WDR20: variants seen among roughly 807,000 people sequenced by gnomAD.
WDR20 encodes the protein WD repeat-containing protein 20.
In WDR20, 3 loss-of-function variants were observed where a neutral mutation model predicts 38.7. That is an observed-to-expected ratio of 0.08 (90% CI 0.04 to 0.20). The LOEUF is 0.20. Ranked by LOEUF, WDR20 falls within the 10% of genes least tolerant of loss-of-function variation. The pLI, the probability that WDR20 is intolerant of heterozygous loss-of-function variation, is 1.00. For synonymous variants in WDR20, 298 were observed against 285.6 expected (o/e 1.04, Z -0.44); for missense variants, 559 against 727.7 (o/e 0.77, Z 2.67).
Position 102,222,125 on chromosome 14 carries a change from G to A in WDR20, c.1693-705G>A, listed in dbSNP as rs1184088318. On this transcript the variant is annotated intron_variant, in intron 3 of 3. Transcript: ENST00000335263. This position sits in a 1 kb window ranked among gnomAD's most constrained non-coding sequence, Gnocchi z 4.4. ...GACAGTGAGCCTCTCAGCAGGAGCC[G>A]CCCTAAAGAGCCAGATGCCCCCCAC... Among the ~76,000 whole-genome samples, 5 of 148,684 alleles carry A rather than the reference G, an allele frequency of 3.4e-5. No individual in the cohort carries two copies. The highest frequency in any genetic ancestry group is 1.0e-4 in the African/African-American group (4 of 40,178).
chr14:102,176,913 A>T (rs565510957), intron 1 of WDR20, among the ~76,000 whole-genome samples: 10 of 151,790 alleles, frequency 6.6e-5, no homozygotes, highest in South Asian at 2.1e-4. Context: ...TATTATTATT[A>T]TTTTTTTTAG....
intron 1 of WDR20, among the ~76,000 whole-genome samples, chr14:102,162,675 G>A (rs10139927): frequency 0.035 from 5,242 of 151,912 alleles, 263 homozygotes; most frequent in African/African-American, 0.1. Context: ...GGAGTGCAGT[G>A]TGATCTCAGC....
intron 2 of WDR20, among the ~76,000 whole-genome samples, chr14:102,196,842 T>G (rs1219147633): frequency 1.3e-5 from 2 of 152,252 alleles, no homozygotes; most frequent in Non-Finnish European, 2.9e-5. Context: ...TTTGAGAAAT[T>G]GCTATTTAGA....
chr14:102,212,120 T>A (rs1430223604), downstream of WDR20, among the ~76,000 whole-genome samples: 1 of 152,198 alleles, frequency 6.6e-6, no homozygotes, highest in Non-Finnish European at 1.5e-5. Context: ...AGGAGGAGGT[T>A]ATGTTTCCTT....
downstream of WDR20, among the ~76,000 whole-genome samples, chr14:102,216,918 G>A (rs2063287429): frequency 6.6e-6 from 1 of 152,188 alleles, no homozygotes; most frequent in African/African-American, 2.4e-5. Context: ...GGGCGACAGA[G>A]CGAGACTCTG....
rs770025964 is a variant in WDR20, at chr14:102,222,900, C to T, written c.*17C>T. ...GTAGTGTAGCGACCTCACTGCTGCG[C>T]GCACAGTCTCCCGGGACTTGGACTC... is the stretch of plus-strand genomic sequence containing the variant. On this transcript the variant is annotated 3_prime_UTR_variant, in exon 4 of 4. Coordinates refer to the WDR20 transcript ENST00000335263. This position sits in a 1 kb window ranked among gnomAD's most constrained non-coding sequence, Gnocchi z 4.4. 160 of 1,613,938 alleles carry T rather than the reference C, an allele frequency of 9.9e-5. No individual in the cohort carries two copies. Among genetic ancestry groups the T allele is most frequent in the Non-Finnish European group, 6.1e-5 (72 of 1,179,960 alleles).
Position 102,140,007 on chromosome 14 carries a change from G to A in WDR20, c.84G>A (p.Pro28=). 1 of 1,614,250 alleles carries A rather than the reference G, an allele frequency of 6.2e-7. No homozygotes were observed. Among genetic ancestry groups the A allele is most frequent in the Non-Finnish European group, 8.5e-7 (1 of 1,180,038 alleles). The change falls in exon 1 of 3, where the codon CCG becomes CCA. Residue 28 remains proline, a synonymous_variant. Coordinates refer to ENST00000342702, the MANE Select transcript of WDR20 (RefSeq NM_144574.4). ...TTREGLYKLL[P]HSEYSRPNRV... ...GGGAAGGTCTGTACAAGCTGCTGCC[G>A]CACTCGGAGTACAGCCGGCCCAACC...
At chr14:102,197,291 G>A (rs557733264) in intron 2 of WDR20, among the ~76,000 whole-genome samples, 47 of 152,300 alleles carry the variant, frequency 3.1e-4, no homozygotes, top group African/African-American at 1.1e-3. Flanking sequence ...TTGCCCTTCC[G>A]GGAGCTCACA....
chr14:102,143,326 G>A (rs963096778), intron 1 of WDR20, among the ~76,000 whole-genome samples: 1 of 145,946 alleles, frequency 6.9e-6, no homozygotes, highest in Non-Finnish European at 1.6e-5. Flanking sequence ...TTTCACAATC[G>A]AGGAAGTTTA....
At chr14:102,193,863 C>G (rs1470487588) in intron 1 of WDR20, among the ~76,000 whole-genome samples, 1 of 152,124 alleles carries the variant, frequency 6.6e-6, no homozygotes, top group Non-Finnish European at 1.5e-5. Flanking sequence ...TTAGTTGTCT[C>G]CACTGGAGAT....
chr14:102,196,789 C>T (rs1307686976), intron 2 of WDR20, among the ~76,000 whole-genome samples: 1 of 152,194 alleles, frequency 6.6e-6, no homozygotes, highest in African/African-American at 2.4e-5. Flanking sequence ...CCTCATTCTT[C>T]ATGATTTAAG....
Position 102,158,814 on chromosome 14 carries a change from C to G in WDR20, c.249+18642C>G, listed in dbSNP as rs546550113. ...GCTCTGCCCCTGTCTAAAGTCACCT[C>G]CCCGACTCGTTCGCTAAATCCCACC... is the stretch of plus-strand genomic sequence containing the variant. On this transcript the variant is annotated intron_variant, in intron 1 of 2. Coordinates refer to ENST00000342702, the MANE Select transcript of WDR20 (RefSeq NM_144574.4). Among the ~76,000 whole-genome samples the G allele has an allele frequency of 4.9e-4, 75 of 152,272 alleles. No homozygotes were observed. In the South Asian group the frequency reaches 0.015, roughly 31 times the overall value.
intron 2 of WDR20, among the ~76,000 whole-genome samples, chr14:102,199,684 A>G (rs774746463): frequency 1.5e-4 from 23 of 152,196 alleles, no homozygotes; most frequent in Admixed American, 1.4e-3. Context: ...GGTGCCTGGT[A>G]CATGAAAATG....
chr14:102,149,483 A>G (rs956564845), intron 1 of WDR20, among the ~76,000 whole-genome samples: 6 of 152,224 alleles, frequency 3.9e-5, no homozygotes, highest in Non-Finnish European at 8.8e-5. Flanking sequence ...TTTCAAATAG[A>G]TAATTTGCCC....
intron 1 of WDR20, among the ~76,000 whole-genome samples, chr14:102,142,985 A>G (rs113548734): frequency 0.012 from 1,851 of 152,078 alleles, 16 homozygotes; most frequent in Middle Eastern, 0.041. Context: ...GAAATGGAGT[A>G]GGTGAGGAAG....
intron 2 of WDR20, among the ~76,000 whole-genome samples, chr14:102,199,612 G>A (rs886454279): frequency 2.0e-5 from 3 of 152,042 alleles, no homozygotes; most frequent in East Asian, 1.9e-4. Flanking sequence ...GTTACCACAC[G>A]TGCACACACC....
At chr14:102,176,447 C>T (rs1426408308) in intron 1 of WDR20, among the ~76,000 whole-genome samples, 76 of 143,330 alleles carry the variant, frequency 5.3e-4, no homozygotes, top group East Asian at 2.4e-3. Context: ...GCCTGTAATC[C>T]CAGCACTTTG....
downstream of WDR20, chr14:102,210,583 C>G: frequency 1.0e-6 from 1 of 981,598 alleles, no homozygotes; most frequent in Non-Finnish European, 1.2e-6. Context: ...GTACCTCACT[C>G]AGAGCCTGAC....
intron 1 of WDR20, among the ~76,000 whole-genome samples, chr14:102,142,771 T>C (rs935208006): frequency 8.0e-6 from 1 of 125,694 alleles, no homozygotes; most frequent in Non-Finnish European, 1.6e-5. Context: ...TTGGCTGTTT[T>C]GACTTTTTTT....
Sources: gnomAD v4.1 joint callset for allele counts (sites outside exome capture counted in the v4.1 genomes callset) on GRCh38, gnomAD v4.1.1 for gene constraint, Gnocchi (gnomAD v3.1) non-coding constraint, MANE v1.5 for transcripts, NCBI Gene and HGNC (gene_info 2026-07-23, HGNC 2026-07-21) for gene names.